The following SYNE2 variants were observed in gnomAD, a reference collection of about 807,000 sequenced individuals.
SYNE2 encodes the protein nesprin-2.
A neutral mutation model predicts 856.3 loss-of-function variants in SYNE2; 431 were observed. The observed-to-expected ratio is 0.50, with a 90% confidence interval of 0.47 to 0.55. SYNE2 has a LOEUF of 0.55. Among genes scored for constraint, SYNE2 ranks in the 20% least tolerant of loss-of-function variants. SYNE2 has a pLI of 0.00. For missense variants in SYNE2, 8,129 were observed against 8,023.2 expected, an observed-to-expected ratio of 1.01 and a Z score of -0.50; for synonymous variants, 2,923 against 2,872.3, an observed-to-expected ratio of 1.02 and a Z score of -0.56.
chr14:64,049,626 T>C lies in SYNE2; in HGVS notation c.7393T>C (p.Leu2465=), dbSNP rs754929732. 9.3e-6 allele frequency: 15 copies of C among 1,613,894 alleles called. No homozygotes were observed. The highest frequency in any genetic ancestry group is 1.3e-5 in the African/African-American group (1 of 74,888). ...TTATTTTTAGAAATTATATACCCAGTTGGAAGCAAAGAAAGCAGCCATTAA... is the reference window on the plus strand; with the variant it reads ...TTATTTTTAGAAATTATATACCCAGCTGGAAGCAAAGAAAGCAGCCATTAA... ...LEEIEKLYTQ[L]EAKKAAIKPL... Residue 2465 remains leucine (L), a synonymous_variant, in exon 47 of 116, where the codon TTG becomes CTG. Transcript: ENST00000555002.
chr14:64,057,514 C>A lies in SYNE2; in HGVS notation c.10067+1248C>A, dbSNP rs115477242. On this transcript the variant is annotated intron_variant, in intron 49 of 115. Coordinates refer to ENST00000555002, the MANE Select transcript of SYNE2 (RefSeq NM_182914.3). The stretch of plus-strand genomic sequence containing the variant: ...GTGTATATACCACATTTTCTTCATC[C>A]ACTCATCTGTTGATGGACACTTGGC... 5.4e-3 allele frequency among the ~76,000 whole-genome samples: 829 copies of A among 152,142 alleles called. 8 individuals carry two copies. The highest frequency in any genetic ancestry group is 0.019 in the African/African-American group (790 of 41,502).
chr14:64,087,627 A>T, intron 57 of SYNE2, 44 bp from the exon 58 acceptor site: 1 of 1,585,758 alleles, frequency 6.3e-7, no homozygotes, highest in Non-Finnish European at 8.7e-7. Context: ...TTATATCAGG[A>T]TCTTGATGTT....
intron 1 of SYNE2, among the ~76,000 whole-genome samples, chr14:63,835,471 G>A (rs926450757): frequency 3.3e-5 from 5 of 151,988 alleles, no homozygotes; most frequent in African/African-American, 1.2e-4. Context: ...GACCTCAAGT[G>A]ATCCGCCCTC....
intron 11 of SYNE2, among the ~76,000 whole-genome samples, chr14:63,971,120 G>GGT (rs2096470296): frequency 1.4e-5 from 2 of 140,758 alleles, no homozygotes; most frequent in African/African-American, 5.2e-5. Context: ...AGGTTTTTTG[G>GGT]TTTTTTTTTT....
Position 64,226,220 on chromosome 14 carries a change from CTAATG to C in SYNE2, c.*698_*702del, listed in dbSNP as rs1041824888. The C allele has an allele frequency of 3.3e-5, 5 of 152,208 alleles. No homozygotes were observed. The highest frequency in any genetic ancestry group is 2.1e-4 in the South Asian group (1 of 4,802). 9.4% of individuals were successfully genotyped at this position (152,208 alleles called of 1,614,324 possible). A position where few individuals can be genotyped will look rare whatever the true frequency, so the allele number is the denominator to read the frequency against. On this transcript the variant is annotated 3_prime_UTR_variant, in exon 116 of 116. Coordinates refer to ENST00000555002, the MANE Select transcript of SYNE2 (RefSeq NM_182914.3). ...ATTAGATTTTAGCTGGAGCTTTTGA[CTAATG>C]TAAAGTAAATGCCAAACTACCGACT...
intron 32 of SYNE2, among the ~76,000 whole-genome samples, chr14:64,012,101 CTG>C (rs939614575): frequency 6.6e-6 from 1 of 152,208 alleles, no homozygotes; most frequent in African/African-American, 2.4e-5. Context: ...TCCAGTCTTT[CTG>C]TTTGTGGCTG....
chr14:63,908,457 T>A (rs2095434616), intron 1 of SYNE2, among the ~76,000 whole-genome samples: 1 of 152,108 alleles, frequency 6.6e-6, no homozygotes, highest in Admixed American at 6.6e-5. Context: ...TAAAGAGGTA[T>A]GAAGTAAAAA....
rs576509575 is a variant in SYNE2 at position 63,979,063 on chromosome 14, C to A, written c.1569+49C>A. ...TAGGCAACTCCTCCATCTCTGGGTGCTGTGTTTGCATTTTTCCTTGGCATG... is the reference window on the plus strand; with the variant it reads ...TAGGCAACTCCTCCATCTCTGGGTGATGTGTTTGCATTTTTCCTTGGCATG... On this transcript the variant is annotated intron_variant, in intron 14 of 115. Coordinates refer to ENST00000555002, the MANE Select transcript of SYNE2 (RefSeq NM_182914.3). 1.9e-6 allele frequency: 3 copies of A among 1,587,624 alleles called. No individual in the cohort carries two copies. In the South Asian group the frequency reaches 3.3e-5, roughly 18 times the overall value.
chr14:63,948,804 A>ATGTGTGTG (rs1566885022), intron 6 of SYNE2, among the ~76,000 whole-genome samples: 2 of 110,870 alleles, frequency 1.8e-5, no homozygotes, highest in Non-Finnish European at 3.7e-5. Context: ...ATATATATAT[A>ATGTGTGTG]TATATATATA....
intron 57 of SYNE2, among the ~76,000 whole-genome samples, chr14:64,082,015 G>A (rs1461610589): frequency 1.3e-5 from 2 of 152,012 alleles, no homozygotes; most frequent in African/African-American, 2.4e-5. Context: ...GAACCCAGGA[G>A]GCGGAGCTTG....
chr14:64,146,492 C>G (rs1476061712), intron 84 of SYNE2, among the ~76,000 whole-genome samples: 2 of 152,166 alleles, frequency 1.3e-5, no homozygotes, highest in African/African-American at 4.8e-5. Flanking sequence ...GAAAAATGTT[C>G]AAAGGGAATT....
intron 1 of SYNE2, among the ~76,000 whole-genome samples, chr14:63,835,891 G>A (rs1889842470): frequency 6.6e-6 from 1 of 151,108 alleles, no homozygotes; most frequent in Admixed American, 6.6e-5. Context: ...GCTGAGGCAG[G>A]AGAATCACTT....
chr14:63,943,530 A>G (rs975156507), intron 6 of SYNE2, among the ~76,000 whole-genome samples: 1 of 152,174 alleles, frequency 6.6e-6, no homozygotes, highest in Admixed American at 6.5e-5. Context: ...TGTAATTACA[A>G]TGGAATAATA....
Position 64,026,667 on chromosome 14 carries a change from A to G in SYNE2, c.6341A>G (p.Lys2114Arg), listed in dbSNP as rs775363021. The change falls in exon 42 of 116, where the codon AAG becomes AGG. Residue 2114 changes from lysine (K) to arginine (R), a missense_variant. By Grantham distance (26) the Lys-to-Arg change is conservative (BLOSUM62 2). Transcript: ENST00000555002. The part of the protein sequence containing the change: ...AESSEAPLVQ[K>R]TLTDISNQWD... ...AGCAGCGAGGCCCCGCTGGTTCAGA[A>G]GACCCTCACTGACATCAGCAACCAG... is the stretch of plus-strand genomic sequence containing the variant. 1.2e-6 allele frequency: 2 copies of G among 1,613,206 alleles called. No homozygotes were observed. Among genetic ancestry groups the G allele is most frequent in the Admixed American group, 3.3e-5 (2 of 59,906 alleles).
At chr14:64,058,729 C>T (rs2097293156) in intron 49 of SYNE2, among the ~76,000 whole-genome samples, 1 of 152,206 alleles carries the variant, frequency 6.6e-6, no homozygotes. Flanking sequence ...AATCCGCCCT[C>T]CTCTGCCACC....
chr14:64,126,618 G>C lies in SYNE2; in HGVS notation c.13728G>C (p.Lys4576Asn). 6.2e-7 allele frequency: 1 copy of C among 1,614,196 alleles called. No homozygotes were observed. Among genetic ancestry groups the C allele is most frequent in the Non-Finnish European group, 8.5e-7 (1 of 1,180,034 alleles). ...VHYETLALELKKLYLALSDKK... is the reference protein window; with the variant it reads ...VHYETLALELNKLYLALSDKK... ...TCCAGACGCTGGCTCTTGAGTTGAA[G>C]AAACTTTATTTAGCGCTAAGTGACA... Residue 4576 changes from lysine (K) to asparagine (N), a missense_variant, in exon 73 of 116, where the codon AAG becomes AAC. By Grantham distance (94) the Lys-to-Asn change is moderately conservative. This residue lies in a region of SYNE2 where 5,410 missense variants were observed against 5,284.8 expected (regional missense o/e 1.02). Coordinates refer to ENST00000555002, the MANE Select transcript of SYNE2 (RefSeq NM_182914.3).
Position 63,998,976 on chromosome 14 carries a change from C to T in SYNE2, c.3416C>T (p.Ser1139Phe), listed in dbSNP as rs759339742. Residue 1139 changes from serine (S) to phenylalanine (F), a missense_variant, in exon 27 of 116, where the codon TCT (serine) becomes TTT (phenylalanine). By Grantham distance (155) the Ser-to-Phe change is radical (BLOSUM62 -2). This residue lies in a region of SYNE2 where 2,422 missense variants were observed against 2,357.4 expected (regional missense o/e 1.03). Transcript: ENST00000555002. ...HLQNNKFRIT[S>F]DFSSEEDRSS... Reference sequence around the variant, plus strand: ...CAAAACAACAAATTCAGGATTACTTCTGATTTCTCTAGTGAAGAGGACAGG... The same window carrying T: ...CAAAACAACAAATTCAGGATTACTTTTGATTTCTCTAGTGAAGAGGACAGG... 8.1e-6 allele frequency: 13 copies of T among 1,613,936 alleles called. No individual in the cohort carries two copies. Among genetic ancestry groups the T allele is most frequent in the Non-Finnish European group, 1.1e-5 (13 of 1,179,914 alleles).
At position 64,167,364 on chromosome 14, in the gene SYNE2, G is replaced by A. The variant is rs147156341; in HGVS notation, c.16737G>A (p.Thr5579=). 80 of 1,614,098 alleles carry A rather than the reference G, an allele frequency of 5.0e-5. No homozygotes were observed. The highest frequency in any genetic ancestry group is 6.1e-5 in the Non-Finnish European group (72 of 1,180,050). ...QNMNRQWIRA[T]ATALERCSEL... The stretch of plus-strand genomic sequence containing the variant: ...TGAACCGGCAATGGATTCGGGCCAC[G>A]GCCACGGCACTGGAGCGCTGCAGGT... Residue 5579 remains threonine, a synonymous_variant, in exon 91 of 116, where the codon ACG becomes ACA. Coordinates refer to ENST00000555002, the MANE Select transcript of SYNE2 (RefSeq NM_182914.3).
In SYNE2 at chr14:63,956,303, T is replaced by C. The variant is rs542657641; in HGVS notation, c.787+1388T>C. Reference sequence around the variant, plus strand: ...ATAGACAGATAGCCTCAGGAGCATATAGTTAATAGTAAAATGTAATACAGT... The same window carrying C: ...ATAGACAGATAGCCTCAGGAGCATACAGTTAATAGTAAAATGTAATACAGT... On this transcript the variant is annotated intron_variant, in intron 8 of 115. Transcript: ENST00000555002. The C allele has an allele frequency of 7.1e-6, 3 of 423,972 alleles. No individual in the cohort carries two copies. The Admixed American group carries it at 7.5e-5, about 11-fold the overall frequency. The allele number at this position is 423,972 out of a possible 1,614,324, so 26.3% of individuals were successfully genotyped here.
Sources: allele counts gnomAD v4.1 joint callset (sites outside exome capture counted in the v4.1 genomes callset), GRCh38; gene constraint gnomAD v4.1.1; regional missense constraint gnomAD v4.1.1; transcripts MANE v1.5; gene names NCBI Gene and HGNC (gene_info 2026-07-23, HGNC 2026-07-21).